Variants in GARNL3 observed in about 807,000 individuals in gnomAD.
GARNL3 encodes the protein GTPase-activating Rap/Ran-GAP domain-like protein 3.
In GARNL3, 63 loss-of-function variants were observed where a neutral mutation model predicts 125.0. The observed-to-expected ratio is 0.50, with a 90% CI of 0.41 to 0.62. GARNL3 has a LOEUF of 0.62. GARNL3 is among the 20% of genes least tolerant of loss of function. The pLI, the probability that GARNL3 is intolerant of heterozygous loss-of-function variation, is 0.00. For missense variants in GARNL3, 994 were observed against 1,244.0 expected (o/e 0.80, Z 3.02); for synonymous variants, 439 against 457.5 (o/e 0.96, Z 0.52).
At chr9:127,335,406 T>G in intron 10 of GARNL3, 73 bp downstream of exon 10, 1 of 1,187,556 alleles carries the variant, frequency 8.4e-7, no homozygotes. Flanking sequence ...TCCATAGAAT[T>G]AGGGGCTATG....
chr9:127,355,630 C>A (rs1026154822), intron 20 of GARNL3, among the ~76,000 whole-genome samples, 158 bp downstream of exon 20: 1 of 152,222 alleles, frequency 6.6e-6, no homozygotes, highest in Non-Finnish European at 1.5e-5. Flanking sequence ...CCCCAGAAGA[C>A]TAAAGCTAAA....
chr9:127,317,968 G>C, intron 4 of GARNL3, 95 bp from the exon 5 acceptor site: 1 of 792,822 alleles, frequency 1.3e-6, no homozygotes, highest in South Asian at 1.4e-5. Flanking sequence ...AAAGAAGAAA[G>C]ACTGGGCATG....
chr9:127,386,812 C>T (rs992409298), intron 24 of GARNL3, among the ~76,000 whole-genome samples: 1 of 152,332 alleles, frequency 6.6e-6, no homozygotes, highest in East Asian at 1.9e-4. Context: ...ATCCATTTCC[C>T]CATCTGCCAA....
chr9:127,295,223 A>G (rs1005298254), intron 2 of GARNL3, among the ~76,000 whole-genome samples: 1 of 152,234 alleles, frequency 6.6e-6, no homozygotes, highest in Non-Finnish European at 1.5e-5. Flanking sequence ...CAGGCATGTC[A>G]GAACACTGTA....
chr9:127,310,407 A>G (rs1173655428), intron 2 of GARNL3, among the ~76,000 whole-genome samples: 1 of 152,224 alleles, frequency 6.6e-6, no homozygotes, highest in African/African-American at 2.4e-5. Flanking sequence ...CAATAATCAG[A>G]AAACTGGCAA....
chr9:127,324,962 T>C lies in GARNL3; in HGVS notation c.568-107T>C. The stretch of plus-strand genomic sequence containing the variant: ...CTCCTATAACCAACTTTTAAAATTA[T>C]TTTCAAAATGTCAGTGTGAGCAAAC... On this transcript the variant is annotated intron_variant, in intron 6 of 27. Transcript: ENST00000373387. 4.3e-6 allele frequency: 5 copies of C among 1,157,814 alleles called. No individual in the cohort carries two copies. The South Asian group carries it at 5.4e-5, about 12-fold the overall frequency. 71.7% of individuals were successfully genotyped at this position (1,157,814 alleles called of 1,614,324 possible). A position where few individuals can be genotyped will look rare whatever the true frequency, so the allele number is the denominator to read the frequency against.
chr9:127,354,335 CA>C lies in GARNL3; in HGVS notation c.1688del (p.Lys563ArgfsTer39). On this transcript the variant is annotated frameshift_variant, in exon 19 of 28. Coordinates refer to ENST00000373387, the MANE Select transcript of GARNL3 (RefSeq NM_032293.5). LOFTEE classifies it high-confidence loss of function. ...CTTTGTCTTCAGGCTAAGTGCTCTG[CA>C]AAAGGGCCTTGAGGGGAAGCAGGCT... ...RLFVFRLSAL[Q>X]KGLEGKQAGK... 1 of 1,613,844 alleles carries C rather than the reference CA, an allele frequency of 6.2e-7. No homozygotes were observed. Among genetic ancestry groups the C allele is most frequent in the Non-Finnish European group, 8.5e-7 (1 of 1,179,880 alleles).
At chr9:127,334,596 G>C (rs763589479) in intron 9 of GARNL3, among the ~76,000 whole-genome samples, 1 of 152,136 alleles carries the variant, frequency 6.6e-6, no homozygotes, top group Non-Finnish European at 1.5e-5. Context: ...AACCCTCAGC[G>C]TCTCCAATAT....
chr9:127,325,708 C>A (rs2065548635), intron 7 of GARNL3, among the ~76,000 whole-genome samples: 1 of 152,146 alleles, frequency 6.6e-6, no homozygotes, highest in African/African-American at 2.4e-5. Context: ...GGTGACACCT[C>A]TTCATAAAAT....
intron 13 of GARNL3, 70 bp from the exon 14 acceptor site, chr9:127,342,149 C>T: frequency 1.0e-6 from 1 of 999,806 alleles, no homozygotes. Flanking sequence ...AACAGACAAG[C>T]ATAGTTTCAA....
rs754849595 is a variant in GARNL3 at position 127,389,146 on chromosome 9, C to T, written c.2743+27C>T. ...TAATGGTTCTCAATCCTGGTTTCCACTGTCTGTGAACAGACCAGCTGGTTT... is the reference window on the plus strand; with the variant it reads ...TAATGGTTCTCAATCCTGGTTTCCATTGTCTGTGAACAGACCAGCTGGTTT... On this transcript the variant is annotated intron_variant, in intron 26 of 27. Transcript: ENST00000373387. 74 of 1,530,598 alleles carry T rather than the reference C, an allele frequency of 4.8e-5. No individual in the cohort carries two copies. In the Middle Eastern group the frequency reaches 5.0e-4, roughly 10 times the overall value. The allele number at this position is 1,530,598 out of a possible 1,614,324, so 94.8% of individuals were successfully genotyped here.
intron 2 of GARNL3, chr9:127,243,306 A>G (rs2063236116): frequency 6.9e-6 from 9 of 1,296,584 alleles, no homozygotes; most frequent in African/African-American, 1.5e-5. Flanking sequence ...TATAGCTTGA[A>G]ATCCCTTAAT....
At chr9:127,342,759 C>T (rs1014019603) in intron 14 of GARNL3, among the ~76,000 whole-genome samples, 2 of 152,014 alleles carry the variant, frequency 1.3e-5, no homozygotes, top group Non-Finnish European at 2.9e-5. Flanking sequence ...GATTTATTGG[C>T]CAGCCCCATA....
chr9:127,393,516 A>G lies in GARNL3; in HGVS notation c.*262A>G, dbSNP rs1360736641. Reference sequence around the variant, plus strand: ...TTGAGGTTTTAGATTGAAACTTTGAATAAATCAAAAATACTCATTCTTATT... The same window carrying G: ...TTGAGGTTTTAGATTGAAACTTTGAGTAAATCAAAAATACTCATTCTTATT... On this transcript the variant is annotated 3_prime_UTR_variant, in exon 28 of 28. Transcript: ENST00000373387. The G allele has an allele frequency of 1.8e-5, 5 of 270,312 alleles. No individual in the cohort carries two copies. The East Asian group carries it at 1.9e-4, about 10-fold the overall frequency. The allele number at this position is 270,312 out of a possible 1,614,324, so 16.7% of individuals were successfully genotyped here. A position where few individuals can be genotyped will look rare whatever the true frequency, so the allele number is the denominator to read the frequency against.
intron 2 of GARNL3, 78 bp downstream of exon 2, chr9:127,291,320 C>T (rs1207076755): frequency 7.8e-7 from 1 of 1,276,076 alleles, no homozygotes; most frequent in Non-Finnish European, 1.1e-6. Context: ...TGAAAGAGTT[C>T]TGGAAGAGGT....
chr9:127,308,555 A>G (rs949502703), intron 2 of GARNL3, among the ~76,000 whole-genome samples: 1 of 152,254 alleles, frequency 6.6e-6, no homozygotes, highest in African/African-American at 2.4e-5. Context: ...AACAAAAAAA[A>G]AAATAGTGAC....
At chr9:127,329,694 A>C (rs1829109412) in intron 7 of GARNL3, among the ~76,000 whole-genome samples, 1 of 152,064 alleles carries the variant, frequency 6.6e-6, no homozygotes, top group Non-Finnish European at 1.5e-5. Flanking sequence ...GAAACTTTTC[A>C]GAGAAGATTA....
At chr9:127,334,065 T>A (rs10119132) in intron 9 of GARNL3, among the ~76,000 whole-genome samples, 55,441 of 151,678 alleles carry the variant, frequency 0.37, 11,267 homozygotes, top group African/African-American at 0.55. Context: ...CAAGTGGAGG[T>A]TGAAAGAGGA....
In GARNL3 at chr9:127,364,401, T is replaced by C. The variant is rs955906142; in HGVS notation, c.2095-899T>C. On this transcript the variant is annotated intron_variant, in intron 21 of 27. Coordinates refer to ENST00000373387, the MANE Select transcript of GARNL3 (RefSeq NM_032293.5). This position sits in a 1 kb window ranked among gnomAD's most constrained non-coding sequence, Gnocchi z 4.2. ...GATGAGCAGAGGCCAAGGCCTTCGG[T>C]TGGGGAGAAGGAGATCTTGGCTGAG... The C allele has an allele frequency of 2.6e-5, 4 of 152,074 alleles. No homozygotes were observed. The highest frequency in any genetic ancestry group is 1.3e-4 in the Admixed American group (2 of 15,254). The allele number at this position is 152,074 out of a possible 1,614,324, so 9.4% of individuals were successfully genotyped here. A position where few individuals can be genotyped will look rare whatever the true frequency, so the allele number is the denominator to read the frequency against.
Sources: gnomAD v4.1 joint callset for allele counts (sites outside exome capture counted in the v4.1 genomes callset) on GRCh38, gnomAD v4.1.1 for gene constraint, Gnocchi (gnomAD v3.1) non-coding constraint, MANE v1.5 for transcripts, NCBI Gene and HGNC (gene_info 2026-07-23, HGNC 2026-07-21) for gene names.